Variants in NKAIN3 observed in about 807,000 individuals in gnomAD.
The protein encoded by NKAIN3 is sodium/potassium-transporting ATPase subunit beta-1-interacting protein 3.
A neutral mutation model predicts 30.2 loss-of-function variants in NKAIN3; 25 were observed. The ratio of observed to expected loss-of-function variants is 0.83; its 90% CI spans 0.60 to 1.16. The LOEUF (loss-of-function observed/expected upper bound fraction) is 1.16. NKAIN3 is among the 50% of genes most tolerant of loss of function. The pLI is 0.00. For synonymous variants in NKAIN3, 91 were observed against 89.6 expected (o/e 1.02, Z -0.09); for missense variants, 225 against 254.1 (o/e 0.89, Z 0.78).
At chr8:62,336,587 G>A (rs1378716989) in intron 1 of NKAIN3, among the ~76,000 whole-genome samples, 1 of 151,742 alleles carries the variant, frequency 6.6e-6, no homozygotes, top group Non-Finnish European at 1.5e-5. Flanking sequence ...TTCCAAAGCT[G>A]TCCACACATG....
At chr8:62,677,540 C>T (rs1052556213) in intron 3 of NKAIN3, among the ~76,000 whole-genome samples, 4 of 152,190 alleles carry the variant, frequency 2.6e-5, no homozygotes, top group Non-Finnish European at 4.4e-5. Flanking sequence ...CTCATTGCAG[C>T]ATGCACTGTA....
chr8:62,695,447 A>G (rs1433947275), intron 3 of NKAIN3, among the ~76,000 whole-genome samples: 2 of 152,198 alleles, frequency 1.3e-5, no homozygotes, highest in African/African-American at 4.8e-5. Context: ...TGATAATAAT[A>G]ATGAGGTAAA....
intron 1 of NKAIN3, among the ~76,000 whole-genome samples, chr8:62,415,635 G>C (rs990734956): frequency 6.6e-6 from 1 of 151,406 alleles, no homozygotes; most frequent in Non-Finnish European, 1.5e-5. Flanking sequence ...AGCACTTGTT[G>C]ATGTGTATGC....
At chr8:62,360,309 A>G (rs150251605) in intron 1 of NKAIN3, among the ~76,000 whole-genome samples, 1 of 152,350 alleles carries the variant, frequency 6.6e-6, no homozygotes, top group African/African-American at 2.4e-5. Flanking sequence ...ATATCAAAGC[A>G]AATGGTATCA....
chr8:62,600,796 G>A (rs764833926), intron 3 of NKAIN3, among the ~76,000 whole-genome samples: 1 of 151,958 alleles, frequency 6.6e-6, no homozygotes, highest in Non-Finnish European at 1.5e-5. Flanking sequence ...ATTCATGAGG[G>A]TCCTCTTTTT....
intron 4 of NKAIN3, among the ~76,000 whole-genome samples, chr8:62,873,908 C>T (rs11988201): frequency 2.4e-3 from 367 of 151,968 alleles, no homozygotes; most frequent in African/African-American, 8.3e-3. Context: ...GACACCTAGA[C>T]GTCACAATTA....
At chr8:62,660,084 G>T (rs146377903) in intron 3 of NKAIN3, among the ~76,000 whole-genome samples, 139 of 152,248 alleles carry the variant, frequency 9.1e-4, no homozygotes, top group African/African-American at 3.1e-3. Context: ...GGGGAGGTCT[G>T]CCTGCTTATC....
At chr8:62,491,646 C>T (rs373326604) in intron 1 of NKAIN3, among the ~76,000 whole-genome samples, 7 of 152,088 alleles carry the variant, frequency 4.6e-5, no homozygotes, top group East Asian at 3.9e-4. Context: ...TAAATAGATG[C>T]GGAAAAGAAG....
At chr8:62,289,341 G>A (rs1475734454) in intron 1 of NKAIN3, among the ~76,000 whole-genome samples, 1 of 152,232 alleles carries the variant, frequency 6.6e-6, no homozygotes, top group African/African-American at 2.4e-5. Flanking sequence ...GAATGGTATT[G>A]CCTAGGTTTT....
intron 4 of NKAIN3, among the ~76,000 whole-genome samples, chr8:62,814,117 G>A (rs1198768793): frequency 1.3e-5 from 2 of 152,024 alleles, no homozygotes. Flanking sequence ...GTGATTCTGA[G>A]AGAACTTCTT....
At chr8:62,613,954 A>G (rs1170784109) in intron 3 of NKAIN3, among the ~76,000 whole-genome samples, 1 of 152,138 alleles carries the variant, frequency 6.6e-6, no homozygotes, top group East Asian at 1.9e-4. Context: ...AGTTTCCTCA[A>G]CACAGATATT....
In NKAIN3 at chr8:62,970,345, C is replaced by T. The variant is rs1416654616; in HGVS notation, c.*4938C>T. 6.6e-6 allele frequency among the ~76,000 whole-genome samples: 1 copy of T among 152,024 alleles called. No individual in the cohort carries two copies. The highest frequency in any genetic ancestry group is 1.5e-5 in the Non-Finnish European group (1 of 68,002). Reference sequence around the variant, plus strand: ...GTTATGGGTAGCATCTCTTTTTCATCTGAAAAAGCTTAGTTTCTTATTGAA... The same window carrying T: ...GTTATGGGTAGCATCTCTTTTTCATTTGAAAAAGCTTAGTTTCTTATTGAA... On this transcript the variant is annotated 3_prime_UTR_variant, in exon 7 of 7. Coordinates refer to ENST00000623646, the MANE Select transcript of NKAIN3 (RefSeq NM_001304533.3).
intron 5 of NKAIN3, among the ~76,000 whole-genome samples, chr8:62,948,587 T>G (rs1168410167): frequency 6.6e-6 from 1 of 152,238 alleles, no homozygotes; most frequent in East Asian, 1.9e-4. Flanking sequence ...TTATTTTATA[T>G]TCTACATTTT....
chr8:62,295,333 G>A (rs1038216392), intron 1 of NKAIN3, among the ~76,000 whole-genome samples: 2 of 152,152 alleles, frequency 1.3e-5, no homozygotes, highest in African/African-American at 4.8e-5. Flanking sequence ...TTCAGCTCTA[G>A]TGTCCAGCAA....
intron 1 of NKAIN3, among the ~76,000 whole-genome samples, chr8:62,309,850 G>A (rs1814370745): frequency 6.6e-6 from 1 of 150,392 alleles, no homozygotes; most frequent in South Asian, 2.1e-4. Flanking sequence ...AAAAGTTCTA[G>A]GCAAATGTGT....
At chr8:62,695,593 AG>A (rs201782425) in intron 3 of NKAIN3, among the ~76,000 whole-genome samples, 1,582 of 152,354 alleles carry the variant, frequency 0.01, 24 homozygotes, top group African/African-American at 0.033. Flanking sequence ...TCCAAAATTG[AG>A]GCCAGAGCCA....
intron 3 of NKAIN3, among the ~76,000 whole-genome samples, chr8:62,591,588 A>G (rs760237132): frequency 6.4e-4 from 97 of 152,122 alleles, no homozygotes; most frequent in Non-Finnish European, 1.1e-3. Flanking sequence ...GTGCATGTCT[A>G]AAAGTTTTTA....
intron 3 of NKAIN3, among the ~76,000 whole-genome samples, chr8:62,739,740 C>T (rs556210035): frequency 6.6e-6 from 1 of 152,262 alleles, no homozygotes; most frequent in East Asian, 1.9e-4. Flanking sequence ...TTAGCTCTGA[C>T]TCTTGTCTAT....
chr8:62,513,050 T>A (rs1008443384), intron 1 of NKAIN3, among the ~76,000 whole-genome samples: 3 of 151,920 alleles, frequency 2.0e-5, no homozygotes, highest in Non-Finnish European at 4.4e-5. Context: ...TTTTGAAAAA[T>A]ATATATAAAA....
Sources: allele counts gnomAD v4.1 joint callset (sites outside exome capture counted in the v4.1 genomes callset), GRCh38; gene constraint gnomAD v4.1.1; transcripts MANE v1.5; gene names NCBI Gene and HGNC (gene_info 2026-07-23, HGNC 2026-07-21).